SPAG6: variants seen among roughly 807,000 people sequenced by gnomAD.
The protein encoded by SPAG6 is sperm associated antigen 6.
A neutral mutation model predicts 58.5 loss-of-function variants in SPAG6; 49 were observed. That is an observed-to-expected ratio of 0.84 (90% confidence interval 0.67 to 1.06). The LOEUF is 1.06. SPAG6 is among the 50% of genes least tolerant of loss of function. The probability of loss-of-function intolerance (pLI) is 0.00; values close to 1 mark genes in which losing one functional copy is unlikely to be tolerated. For synonymous variants in SPAG6, 233 were observed against 225.6 expected (o/e 1.03, Z -0.29); for missense variants, 560 against 611.3 (o/e 0.92, Z 0.89).
intron 6 of SPAG6, 142 bp from the exon 7 acceptor site, chr10:22,389,018 T>G: frequency 3.1e-6 from 2 of 644,110 alleles, no homozygotes; most frequent in Non-Finnish European, 5.0e-6. Context: ...GTATATTTCT[T>G]TAATAAATAT....
rs181962454 is a variant in SPAG6, at chr10:22,345,693, G to C, written c.26-30G>C. Reference sequence around the variant, plus strand: ...GCTGGCGCCGAGGAGACCCGGGTGCGGTGGGCTCCACCGACTCTCTCTCCC... The same window carrying C: ...GCTGGCGCCGAGGAGACCCGGGTGCCGTGGGCTCCACCGACTCTCTCTCCC... On this transcript the variant is annotated intron_variant, in intron 1 of 10. Coordinates refer to ENST00000376624, the MANE Select transcript of SPAG6 (RefSeq NM_012443.4). The surrounding 1 kb of genome is among the most constrained non-coding windows in gnomAD (Gnocchi z 6.3). The C allele has an allele frequency of 3.7e-3, 5,916 of 1,597,052 alleles. 18 individuals carry two copies. Among genetic ancestry groups the C allele is most frequent in the Middle Eastern group, 7.8e-3 (47 of 6,022 alleles).
chr10:22,382,927 G>C (rs1833987661), intron 4 of SPAG6, among the ~76,000 whole-genome samples: 1 of 152,146 alleles, frequency 6.6e-6, no homozygotes, highest in African/African-American at 2.4e-5. Context: ...TATAAATGCT[G>C]TTAGCATGTT....
intron 6 of SPAG6, 106 bp downstream of exon 6, chr10:22,388,102 T>C (rs1180638917): frequency 3.4e-6 from 3 of 894,970 alleles, no homozygotes; most frequent in African/African-American, 1.7e-5. Flanking sequence ...CATGATCTAG[T>C]TGAGTCAGGA....
chr10:22,397,433 C>T (rs1346941659), intron 8 of SPAG6, among the ~76,000 whole-genome samples: 3 of 152,176 alleles, frequency 2.0e-5, no homozygotes, highest in East Asian at 1.9e-4. Context: ...GTGCCTCAGC[C>T]TCCTGAGTAG....
Position 22,387,868 on chromosome 10 carries a change from G to C in SPAG6, c.724G>C (p.Asp242His). ...ALSQVSKHSV[D>H]LAEMVVEAEI... The stretch of plus-strand genomic sequence containing the variant: ...CAGTCAGGTTTCAAAACATTCCGTG[G>C]ATCTGGCAGAAATGGTTGTTGAAGC... The change falls in exon 6 of 11, where the codon GAT becomes CAT. Residue 242 changes from aspartate (D) to histidine (H), a missense_variant. Coordinates refer to ENST00000376624, the MANE Select transcript of SPAG6 (RefSeq NM_012443.4). The C allele has an allele frequency of 1.2e-6, 2 of 1,613,416 alleles. No individual in the cohort carries two copies. Among genetic ancestry groups the C allele is most frequent in the Non-Finnish European group, 8.5e-7 (1 of 1,179,696 alleles).
chr10:22,415,151 A>G (rs1213526335), intron 10 of SPAG6, among the ~76,000 whole-genome samples: 1 of 152,052 alleles, frequency 6.6e-6, no homozygotes, highest in East Asian at 1.9e-4. Context: ...TTAACATGGT[A>G]ATAACAATTA....
intron 8 of SPAG6, among the ~76,000 whole-genome samples, chr10:22,397,252 G>T (rs975444884): frequency 6.6e-6 from 1 of 151,894 alleles, no homozygotes; most frequent in Non-Finnish European, 1.5e-5. Context: ...GAACTAATAA[G>T]AGTTCAACAA....
intron 4 of SPAG6, among the ~76,000 whole-genome samples, chr10:22,375,926 G>T (rs1279158210): frequency 1.3e-5 from 2 of 152,028 alleles, no homozygotes; most frequent in African/African-American, 2.4e-5. Flanking sequence ...TGGTGTCACT[G>T]TGCTATAACT....
Position 22,345,783 on chromosome 10 carries a change from C to G in SPAG6, c.86C>G (p.Thr29Ser). 1 of 1,613,774 alleles carries G rather than the reference C, an allele frequency of 6.2e-7. No individual in the cohort carries two copies. Among genetic ancestry groups the G allele is most frequent in the Non-Finnish European group, 8.5e-7 (1 of 1,179,864 alleles). The change falls in exon 2 of 11, where the codon ACT becomes AGT. Residue 29 changes from threonine (T) to serine (S), a missense_variant. By Grantham distance (58) the Thr-to-Ser change is moderately conservative (BLOSUM62 1). Transcript: ENST00000376624. The surrounding 1 kb of genome is among the most constrained non-coding windows in gnomAD (Gnocchi z 6.3). ...GTGCAGATGGTGGCGGAGCTGGCGACTAGACCCCAAAACATCGAGACGCTG... is the reference window on the plus strand; with the variant it reads ...GTGCAGATGGTGGCGGAGCTGGCGAGTAGACCCCAAAACATCGAGACGCTG... The part of the protein sequence containing the change: ...QFVQMVAELA[T>S]RPQNIETLQN...
intron 9 of SPAG6, among the ~76,000 whole-genome samples, chr10:22,402,996 C>T (rs576741368): frequency 1.4e-3 from 212 of 152,216 alleles, no homozygotes; most frequent in Non-Finnish European, 2.2e-3. Context: ...TGAAAGTAAA[C>T]ACTAACCTAC....
chr10:22,346,158 C>T, intron 2 of SPAG6: 5 of 1,272,974 alleles, frequency 3.9e-6, no homozygotes, highest in Non-Finnish European at 5.1e-6. Flanking sequence ...TTGCATGCCA[C>T]CCTGCCTTTG....
chr10:22,390,940 G>A (rs1300172767), intron 7 of SPAG6, among the ~76,000 whole-genome samples: 2 of 152,252 alleles, frequency 1.3e-5, no homozygotes, highest in East Asian at 1.9e-4. Flanking sequence ...AATTTAAGGT[G>A]ATTACCATAA....
chr10:22,415,284 ATT>A (rs1834841782), intron 10 of SPAG6, among the ~76,000 whole-genome samples: 1 of 150,790 alleles, frequency 6.6e-6, no homozygotes, highest in African/African-American at 2.4e-5. Context: ...AAAATATAAA[ATT>A]TATTAATATT....
chr10:22,395,682 T>C (rs1834276512), intron 8 of SPAG6, among the ~76,000 whole-genome samples: 1 of 152,216 alleles, frequency 6.6e-6, no homozygotes, highest in African/African-American at 2.4e-5. Context: ...TGGGTTATCT[T>C]ATTTTCTTGA....
intron 2 of SPAG6, among the ~76,000 whole-genome samples, chr10:22,357,740 C>A (rs1197322835): frequency 1.8e-5 from 2 of 112,968 alleles, no homozygotes; most frequent in Admixed American, 2.1e-4. Flanking sequence ...CCCCCTCCCC[C>A]CACCCCACAA....
At chr10:22,375,698 A>C (rs12263897) in intron 4 of SPAG6, among the ~76,000 whole-genome samples, 9,958 of 148,890 alleles carry the variant, frequency 0.067, 1,100 homozygotes, top group African/African-American at 0.23. Flanking sequence ...CCTGCCTCAG[A>C]CTCCCAAGTA....
chr10:22,401,187 G>A lies in SPAG6; in HGVS notation c.1224G>A (p.Leu408=). The change falls in exon 9 of 11, where the codon CTG becomes CTA. Residue 408 remains leucine, a synonymous_variant. Transcript: ENST00000376624. Reference sequence around the variant, plus strand: ...GTAAAAAAGCCATAAAGAATATCCTGCAAAAATGTACCTACTTACCAGCCC... The same window carrying A: ...GTAAAAAAGCCATAAAGAATATCCTACAAAAATGTACCTACTTACCAGCCC... The part of the protein sequence containing the change: ...VKSKKAIKNI[L]QKCTYLPALE... 6.3e-7 allele frequency: 1 copy of A among 1,593,456 alleles called. No homozygotes were observed. The highest frequency in any genetic ancestry group is 8.6e-7 in the Non-Finnish European group (1 of 1,161,674).
intron 4 of SPAG6, among the ~76,000 whole-genome samples, chr10:22,372,326 A>T (rs1833719163): frequency 6.6e-6 from 1 of 152,238 alleles, no homozygotes; most frequent in South Asian, 2.1e-4. Context: ...ATATTTATTT[A>T]TTCAACCAAT....
intron 2 of SPAG6, chr10:22,360,760 C>T: frequency 6.6e-7 from 1 of 1,516,818 alleles, no homozygotes; most frequent in Non-Finnish European, 8.8e-7. Flanking sequence ...TACTAGAGGC[C>T]TTGTTTATCA....
Sources: allele counts gnomAD v4.1 joint callset (sites outside exome capture counted in the v4.1 genomes callset), GRCh38; gene constraint gnomAD v4.1.1; non-coding constraint Gnocchi (gnomAD v3.1); transcripts MANE v1.5; gene names NCBI Gene and HGNC (gene_info 2026-07-23, HGNC 2026-07-21).